Variants in RAP1GDS1 observed in about 807,000 individuals in gnomAD.
RAP1GDS1 encodes RAP1, GTP-GDP dissociation stimulator 1.
Under a neutral mutation model 71.1 loss-of-function variants are expected in RAP1GDS1, and 35 were observed. The ratio of observed to expected loss-of-function variants is 0.49; its 90% CI spans 0.38 to 0.65. RAP1GDS1 has a LOEUF of 0.65. Among genes scored for constraint, RAP1GDS1 ranks in the 30% least tolerant of loss-of-function variants. The pLI, the probability that RAP1GDS1 is intolerant of heterozygous loss-of-function variation, is 0.00. For missense variants in RAP1GDS1, 663 were observed against 706.1 expected (o/e 0.94, Z 0.69); for synonymous variants, 229 against 243.1 (o/e 0.94, Z 0.54).
chr4:98,360,556 T>C (rs1470265944), intron 4 of RAP1GDS1, among the ~76,000 whole-genome samples: 1 of 152,186 alleles, frequency 6.6e-6, no homozygotes, highest in Admixed American at 6.5e-5. Context: ...TTTAGATATG[T>C]GAAACATAAG....
intron 1 of RAP1GDS1, among the ~76,000 whole-genome samples, chr4:98,285,789 G>A (rs1222188918): frequency 2.1e-5 from 3 of 143,222 alleles, no homozygotes; most frequent in South Asian, 4.4e-4. Flanking sequence ...ATAATAATGG[G>A]CACTTTTTAT....
chr4:98,392,200 C>A, intron 6 of RAP1GDS1, 120 bp downstream of exon 6: 1 of 942,340 alleles, frequency 1.1e-6, no homozygotes. Context: ...TTTTTTGAAG[C>A]ATTTGAGATA....
At chr4:98,274,882 A>G (rs1348136055) in intron 1 of RAP1GDS1, among the ~76,000 whole-genome samples, 2 of 152,176 alleles carry the variant, frequency 1.3e-5, no homozygotes, top group Non-Finnish European at 2.9e-5. Flanking sequence ...ATTCTCACTG[A>G]AAGGTTAAAC....
intron 7 of RAP1GDS1, among the ~76,000 whole-genome samples, chr4:98,413,166 G>A (rs943715563): frequency 2.6e-5 from 4 of 151,984 alleles, no homozygotes; most frequent in African/African-American, 7.3e-5. Flanking sequence ...TACTCCCAGA[G>A]CGGCCATTTA....
chr4:98,391,836 A>G, intron 5 of RAP1GDS1, 116 bp from the exon 6 acceptor site: 1 of 987,800 alleles, frequency 1.0e-6, no homozygotes, highest in South Asian at 2.2e-5. Flanking sequence ...CTATTACTGT[A>G]ATTTAAATAA....
chr4:98,408,042 C>G (rs971879978), intron 7 of RAP1GDS1, among the ~76,000 whole-genome samples: 2 of 151,566 alleles, frequency 1.3e-5, no homozygotes, highest in African/African-American at 4.8e-5. Flanking sequence ...TACCGCAGGT[C>G]TTACAGCTAT....
Position 98,308,578 on chromosome 4 carries a change from A to G in RAP1GDS1, c.112+15063A>G, listed in dbSNP as rs928390842. The stretch of plus-strand genomic sequence containing the variant: ...AAGTAGTCTCTACCATTTTATTGCT[A>G]TAAAGCTTGTTTATAATAAAATTAT... On this transcript the variant is annotated intron_variant, in intron 2 of 14. Transcript: ENST00000408927. Among the ~76,000 whole-genome samples the G allele has an allele frequency of 3.3e-5, 5 of 152,116 alleles. 1 individual carries two copies. The highest frequency in any genetic ancestry group is 1.2e-4 in the African/African-American group (5 of 41,550).
chr4:98,339,934 C>T (rs1735252377), intron 2 of RAP1GDS1, among the ~76,000 whole-genome samples: 1 of 150,332 alleles, frequency 6.7e-6, no homozygotes, highest in Admixed American at 6.7e-5. Context: ...ATAGAACTAC[C>T]ATTCTACCCA....
intron 7 of RAP1GDS1, among the ~76,000 whole-genome samples, chr4:98,416,328 T>G (rs1281476446): frequency 3.9e-4 from 58 of 149,704 alleles, no homozygotes; most frequent in Non-Finnish European, 7.1e-4. Flanking sequence ...ATCATGCATT[T>G]TCTTAGTTTT....
chr4:98,284,460 A>G (rs1465887178), intron 1 of RAP1GDS1, among the ~76,000 whole-genome samples: 1 of 152,214 alleles, frequency 6.6e-6, no homozygotes, highest in Non-Finnish European at 1.5e-5. Flanking sequence ...AAAACCAATC[A>G]AAGACTATAA....
At chr4:98,262,112 G>C (rs927819352) in intron 1 of RAP1GDS1, among the ~76,000 whole-genome samples, 1 of 152,236 alleles carries the variant, frequency 6.6e-6, no homozygotes, top group Non-Finnish European at 1.5e-5. Flanking sequence ...TATTTTCCAA[G>C]GGGGAGAGCG....
intron 5 of RAP1GDS1, among the ~76,000 whole-genome samples, chr4:98,388,730 ATT>A (rs949213382): frequency 6.7e-6 from 1 of 149,880 alleles, no homozygotes; most frequent in Admixed American, 6.6e-5. Flanking sequence ...CGTCTCAAAA[ATT>A]TTTTTTTTTA....
intron 12 of RAP1GDS1, among the ~76,000 whole-genome samples, chr4:98,432,564 T>A (rs1750579741): frequency 6.6e-6 from 1 of 152,276 alleles, no homozygotes; most frequent in South Asian, 2.1e-4. Context: ...TTTAGCAAGT[T>A]TGATCACTAA....
intron 1 of RAP1GDS1, among the ~76,000 whole-genome samples, chr4:98,272,884 C>T (rs1315735016): frequency 3.3e-5 from 5 of 152,146 alleles, no homozygotes; most frequent in South Asian, 2.1e-4. Flanking sequence ...GAGAAGACAA[C>T]GCTTTAAAAC....
Position 98,261,569 on chromosome 4 carries a change from G to T in RAP1GDS1, c.4G>T (p.Asp2Tyr), listed in dbSNP as rs1336820421. The T allele has an allele frequency of 6.2e-6, 10 of 1,601,288 alleles. No homozygotes were observed. Among genetic ancestry groups the T allele is most frequent in the Admixed American group, 1.7e-5 (1 of 58,606 alleles). The change falls in exon 1 of 15, where the codon GAT (aspartate) becomes TAT (tyrosine). Residue 2 changes from aspartate (D) to tyrosine (Y), a missense_variant and splice_region_variant. Asp to Tyr is a radical substitution (Grantham distance 160). Coordinates refer to ENST00000408927, the MANE Select transcript of RAP1GDS1 (RefSeq NM_001100427.2). ...TTCCTCACCCTCGGGGAGCAACATG[G>T]GTAAGTCATCCTTCCTCCGCCGTCA... The part of the protein sequence containing the change: M[D>Y]NLSDTLKKLK...
At chr4:98,298,741 T>C (rs546193754) in intron 2 of RAP1GDS1, among the ~76,000 whole-genome samples, 8 of 152,244 alleles carry the variant, frequency 5.3e-5, no homozygotes, top group African/African-American at 1.4e-4. Context: ...CATCCGTGGA[T>C]GAAGGAATAA....
At chr4:98,337,474 C>T (rs888351821) in intron 2 of RAP1GDS1, among the ~76,000 whole-genome samples, 2 of 152,110 alleles carry the variant, frequency 1.3e-5, no homozygotes, top group African/African-American at 4.8e-5. Flanking sequence ...GTTTCTTATT[C>T]CTTTTCCAGT....
At chr4:98,359,128 G>T (rs1738361117) in intron 4 of RAP1GDS1, among the ~76,000 whole-genome samples, 2 of 152,004 alleles carry the variant, frequency 1.3e-5, no homozygotes, top group Admixed American at 1.3e-4. Context: ...AAAAATGCCT[G>T]TAATTTTTTC....
In RAP1GDS1 at chr4:98,391,975, A is replaced by G. The variant is rs200908876; in HGVS notation, c.532A>G (p.Asn178Asp). The part of the protein sequence containing the change: ...ENDSLQAQLI[N>D]MGVIPTLVKL... ...AGATTCGCTTCAAGCTCAGCTTATC[A>G]ATATGGGTGTTATTCCTACCTTAGT... Residue 178 changes from asparagine (N) to aspartate (D), a missense_variant, in exon 6 of 15, where the codon AAT becomes GAT. Asn to Asp is a conservative substitution (Grantham distance 23). Transcript: ENST00000408927. The G allele has an allele frequency of 2.5e-6, 4 of 1,606,358 alleles. No homozygotes were observed. The African/African-American group carries it at 5.4e-5, about 22-fold the overall frequency.
Sources: allele counts gnomAD v4.1 joint callset (sites outside exome capture counted in the v4.1 genomes callset), GRCh38; gene constraint gnomAD v4.1.1; transcripts MANE v1.5; gene names NCBI Gene and HGNC (gene_info 2026-07-23, HGNC 2026-07-21).